The following NPC1 variants were observed in gnomAD, a reference collection of about 807,000 sequenced individuals.
NPC1 encodes Niemann-Pick C1 protein.
In NPC1, 85 loss-of-function variants were observed where a neutral mutation model predicts 140.4. The observed-to-expected ratio is 0.61, with a 90% confidence interval of 0.51 to 0.72. The LOEUF (loss-of-function observed/expected upper bound fraction) is 0.72, where lower values mean the gene tolerates loss of function less well. Ranked by LOEUF, NPC1 falls within the 30% of genes least tolerant of loss-of-function variation. NPC1 has a pLI of 0.00. For synonymous variants in NPC1, 656 were observed against 624.8 expected (o/e 1.05, Z -0.74); for missense variants, 1,504 against 1,623.8 (o/e 0.93, Z 1.27).
intron 3 of NPC1, among the ~76,000 whole-genome samples, chr18:23,510,334 C>A (rs1306005695): frequency 2.7e-5 from 4 of 149,588 alleles, no homozygotes; most frequent in South Asian, 2.1e-4. Flanking sequence ...AAAAAAAAAA[C>A]AAAAACACAA....
downstream of NPC1, among the ~76,000 whole-genome samples, chr18:23,527,332 G>A (rs189443942): frequency 4.4e-3 from 669 of 151,854 alleles, 4 homozygotes; most frequent in African/African-American, 0.015. Context: ...CCGGGAGGAC[G>A]AGGCTGCAGC....
At chr18:23,560,705 A>G (rs1050593000) in intron 5 of NPC1, among the ~76,000 whole-genome samples, 5 of 152,196 alleles carry the variant, frequency 3.3e-5, no homozygotes, top group Non-Finnish European at 7.3e-5. Context: ...TGATAGAGGA[A>G]TCCTCCAAGT....
At chr18:23,557,037 G>A in intron 7 of NPC1, 80 bp downstream of exon 7, 1 of 1,201,102 alleles carries the variant, frequency 8.3e-7, no homozygotes, top group Non-Finnish European at 1.2e-6. Flanking sequence ...ACCCACTGCT[G>A]CAACCCCACT....
downstream of NPC1, among the ~76,000 whole-genome samples, chr18:23,522,137 G>C (rs1035926725): frequency 6.6e-6 from 1 of 152,212 alleles, no homozygotes; most frequent in African/African-American, 2.4e-5. Context: ...TGTCTTGCTG[G>C]ACCAGCCAAA....
intron 4 of NPC1, among the ~76,000 whole-genome samples, chr18:23,564,248 T>C (rs1300428949): frequency 6.6e-6 from 1 of 152,194 alleles, no homozygotes; most frequent in Non-Finnish European, 1.5e-5. Flanking sequence ...CCCCCCAAAG[T>C]GCTGGGATTA....
intron 1 of NPC1, among the ~76,000 whole-genome samples, chr18:23,575,522 C>T (rs530144737): frequency 6.6e-6 from 1 of 152,152 alleles, no homozygotes; most frequent in South Asian, 2.1e-4. Context: ...CTGCCTACCT[C>T]ACAGGTTCCT....
chr18:23,550,508 G>A (rs1389522338), intron 10 of NPC1, among the ~76,000 whole-genome samples: 1 of 28,794 alleles, frequency 3.5e-5, no homozygotes, highest in Non-Finnish European at 5.7e-5. Flanking sequence ...TTGAGATGGA[G>A]TCTCACTCTG....
At position 23,543,676 on chromosome 18, in the gene NPC1, C is replaced by T. The variant is rs191211351; in HGVS notation, c.2131-107G>A. 9.5e-4 allele frequency: 676 copies of T among 707,968 alleles called. 4 individuals carry two copies. The African/African-American group carries it at 0.01, about 11-fold the overall frequency. 43.9% of individuals were successfully genotyped at this position (707,968 alleles called of 1,614,324 possible). On this transcript the variant is annotated intron_variant, in intron 13 of 24. Coordinates refer to ENST00000269228, the MANE Select transcript of NPC1 (RefSeq NM_000271.5). ...AGGGTAAAAATAAATGATTAGTAGA[C>T]GATTAGCAGTGTCTTCTAAGCATAT... is the stretch of plus-strand genomic sequence containing the variant.
intron 1 of NPC1, among the ~76,000 whole-genome samples, chr18:23,575,465 G>A (rs933842724): frequency 8.6e-5 from 13 of 152,024 alleles, no homozygotes; most frequent in Non-Finnish European, 1.8e-4. Flanking sequence ...AGCAGGTTAC[G>A]TAACCACGTA....
chr18:23,560,105 A>C (rs1874963552), intron 6 of NPC1, 126 bp downstream of exon 6: 6 of 1,142,938 alleles, frequency 5.2e-6, no homozygotes, highest in Non-Finnish European at 7.9e-6. Flanking sequence ...ACAATAATCC[A>C]TGCAATGGTA....
intron 3 of NPC1, among the ~76,000 whole-genome samples, chr18:23,570,443 A>G (rs1199519630): frequency 2.0e-5 from 3 of 152,230 alleles, no homozygotes; most frequent in Admixed American, 2.0e-4. Flanking sequence ...CAAGCCTTTC[A>G]TAGGATATGC....
Position 23,554,773 on chromosome 18 carries a change from A to T in NPC1, c.1538T>A (p.Phe513Tyr). 2 of 1,613,656 alleles carry T rather than the reference A, an allele frequency of 1.2e-6. No individual in the cohort carries two copies. Among genetic ancestry groups the T allele is most frequent in the Non-Finnish European group, 1.7e-6 (2 of 1,179,582 alleles). Residue 513 changes from phenylalanine to tyrosine, a missense_variant, in exon 9 of 25, where the codon TTT becomes TAT. Physicochemically the swap from Phe to Tyr is conservative, Grantham distance 22. Coordinates refer to ENST00000269228, the MANE Select transcript of NPC1 (RefSeq NM_000271.5). ...FFVYADYHTHFLYCVRAPASL... is the reference protein window; with the variant it reads ...FFVYADYHTHYLYCVRAPASL... ...TGCCACTTACCGTACGCAGTACAGA[A>T]AGTGCGTGTGGTAATCGGCATACAC...
Position 23,573,650 on chromosome 18 carries a change from T to C in NPC1, c.58-76A>G, listed in dbSNP as rs542298163. On this transcript the variant is annotated intron_variant, in intron 1 of 24. Coordinates refer to ENST00000269228, the MANE Select transcript of NPC1 (RefSeq NM_000271.5). The stretch of plus-strand genomic sequence containing the variant: ...TTTCAACAAGAAGTGCCCACTCAAG[T>C]ACAATCACAGAAACTTCCAATGCTA... 2.5e-6 allele frequency: 4 copies of C among 1,574,834 alleles called. No homozygotes were observed. In the East Asian group the frequency reaches 9.0e-5, roughly 35 times the overall value.
chr18:23,586,393 C>CTCCCCGGAGGCGGCTCTACT lies in NPC1; in HGVS notation c.-70_-51dup, dbSNP rs1320905909. The CTCCCCGGAGGCGGCTCTACT allele has an allele frequency of 9.2e-6, 14 of 1,529,852 alleles. No homozygotes were observed. The highest frequency in any genetic ancestry group is 1.2e-5 in the Non-Finnish European group (14 of 1,144,566). The allele number at this position is 1,529,852 out of a possible 1,614,324, so 94.8% of individuals were successfully genotyped here. On this transcript the variant is annotated 5_prime_UTR_variant, in exon 1 of 25. Coordinates refer to ENST00000269228, the MANE Select transcript of NPC1 (RefSeq NM_000271.5). ...CGCCGGCGGCGTTCGGCTGGTTGGGCTCCCCGGAGGCGGCTCTACTTCCCC... is the reference window on the plus strand; with the variant it reads ...CGCCGGCGGCGTTCGGCTGGTTGGGCTCCCCGGAGGCGGCTCTACTTCCCCGGAGGCGGCTCTACTTCCCC...
intron 4 of NPC1, among the ~76,000 whole-genome samples, chr18:23,568,203 T>C (rs1237463219): frequency 1.3e-5 from 2 of 151,070 alleles, no homozygotes; most frequent in Non-Finnish European, 2.9e-5. Flanking sequence ...TGCAGGCTTC[T>C]GTTTCTGGAC....
chr18:23,507,010 T>G (rs757571809), intron 3 of NPC1: 1 of 1,609,776 alleles, frequency 6.2e-7, no homozygotes, highest in South Asian at 1.1e-5. Flanking sequence ...TAAGTTTTCC[T>G]TAGAAAATAA....
chr18:23,573,457 C>A lies in NPC1; in HGVS notation c.175G>T (p.Val59Leu), dbSNP rs1365313736. Residue 59 changes from valine (V) to leucine (L), a missense_variant, in exon 2 of 25, where the codon GTG (valine) becomes TTG (leucine). Val to Leu is a conservative substitution (Grantham distance 32). Transcript: ENST00000269228. ...GCCTAAGATAATGAACTTACCTGCA[C>A]TAAGTCATATCCATCCTTTGGCAAT... ...KPLPKDGYDL[V>L]QELCPGFFFG... 4 of 1,614,142 alleles carry A rather than the reference C, an allele frequency of 2.5e-6. No individual in the cohort carries two copies. The highest frequency in any genetic ancestry group is 1.1e-5 in the South Asian group (1 of 91,082).
chr18:23,526,800 G>C, downstream of NPC1: 2 of 1,609,422 alleles, frequency 1.2e-6, no homozygotes, highest in East Asian at 2.2e-5. Flanking sequence ...TCTGATTCCA[G>C]TGTGAGGCCT....
downstream of NPC1, chr18:23,529,972 T>G (rs2058440129): frequency 1.4e-6 from 2 of 1,476,706 alleles, no homozygotes; most frequent in Non-Finnish European, 9.4e-7. Context: ...GAGCCTCTAG[T>G]CTGTTGTAGC....
Sources: gnomAD v4.1 joint callset for allele counts (sites outside exome capture counted in the v4.1 genomes callset) on GRCh38, gnomAD v4.1.1 for gene constraint, MANE v1.5 for transcripts, NCBI Gene and HGNC (gene_info 2026-07-23, HGNC 2026-07-21) for gene names.